Variants in HECA observed in about 807,000 individuals in gnomAD.
HECA encodes the protein HECA ribonucleoprotein granule regulator.
Under a neutral mutation model 37.6 loss-of-function variants are expected in HECA, and 13 were observed. The ratio of observed to expected loss-of-function variants is 0.35; its 90% CI spans 0.23 to 0.55. The LOEUF (loss-of-function observed/expected upper bound fraction) is 0.55. HECA is among the 20% of genes least tolerant of loss of function. The pLI is 0.90. For missense variants in HECA, 527 were observed against 701.9 expected, an observed-to-expected ratio of 0.75 and a Z score of 2.82; for synonymous variants, 307 against 291.5, an observed-to-expected ratio of 1.05 and a Z score of -0.54.
At chr6:139,136,755 C>T (rs537397632) in intron 1 of HECA, among the ~76,000 whole-genome samples, 2 of 152,204 alleles carry the variant, frequency 1.3e-5, no homozygotes, top group East Asian at 3.9e-4. Context: ...CTGCCTCAGC[C>T]TCCCGAGTAG....
chr6:139,143,213 T>A (rs1359852149), intron 1 of HECA, among the ~76,000 whole-genome samples: 1 of 152,168 alleles, frequency 6.6e-6, no homozygotes, highest in Non-Finnish European at 1.5e-5. Context: ...TGCAATCCTT[T>A]AGGGTGTTTT....
chr6:139,151,547 A>G (rs979216336), intron 1 of HECA, among the ~76,000 whole-genome samples: 3 of 152,180 alleles, frequency 2.0e-5, no homozygotes, highest in African/African-American at 7.2e-5. Context: ...ACATTCTTTC[A>G]AAGGAAAATC....
At chr6:139,150,275 G>C (rs1372313919) in intron 1 of HECA, among the ~76,000 whole-genome samples, 1 of 152,156 alleles carries the variant, frequency 6.6e-6, no homozygotes, top group African/African-American at 2.4e-5. Context: ...TACTGGTCAT[G>C]TGTATGTATC....
Position 139,177,863 on chromosome 6 carries a change from A to G in HECA, c.*758A>G, listed in dbSNP as rs1775074161. On this transcript the variant is annotated 3_prime_UTR_variant, in exon 4 of 4. Coordinates refer to ENST00000367658, the MANE Select transcript of HECA (RefSeq NM_016217.3). This position sits in a 1 kb window ranked among gnomAD's most constrained non-coding sequence, Gnocchi z 4.9. ...GTTGGTAATATAGCTTTTAAGGAGA[A>G]CCCATGAATAACCTGATTTGGGCAG... is the stretch of plus-strand genomic sequence containing the variant. 1 of 152,200 alleles carries G rather than the reference A, an allele frequency of 6.6e-6. No homozygotes were observed. The allele number at this position is 152,200 out of a possible 1,614,324, so 9.4% of individuals were successfully genotyped here.
chr6:139,171,983 C>A (rs1485518668), intron 2 of HECA, among the ~76,000 whole-genome samples: 3 of 152,030 alleles, frequency 2.0e-5, no homozygotes, highest in African/African-American at 7.2e-5. Flanking sequence ...GGCGCCGCCA[C>A]CACGCCTAGC....
chr6:139,145,202 C>G (rs142084474), intron 1 of HECA, among the ~76,000 whole-genome samples: 90 of 152,298 alleles, frequency 5.9e-4, no homozygotes, highest in African/African-American at 2.0e-3. Flanking sequence ...CAGAAAGCTT[C>G]CAGTTTTCAG....
rs148859982 is a variant in HECA at position 139,173,497 on chromosome 6, A to G, written c.1313-888A>G. 3.7e-3 allele frequency among the ~76,000 whole-genome samples: 571 copies of G among 152,324 alleles called. 5 individuals carry two copies. The highest frequency in any genetic ancestry group is 9.7e-3 in the Admixed American group (148 of 15,312). The stretch of plus-strand genomic sequence containing the variant: ...TTACTACTGAGTGCTGAAGACCCAT[A>G]GTCTGACTGATGGCAGTGAGCAGCA... On this transcript the variant is annotated intron_variant, in intron 2 of 3. Coordinates refer to ENST00000367658, the MANE Select transcript of HECA (RefSeq NM_016217.3).
intron 1 of HECA, among the ~76,000 whole-genome samples, chr6:139,140,539 A>C (rs1774500934): frequency 1.3e-5 from 2 of 152,202 alleles, no homozygotes; most frequent in Non-Finnish European, 2.9e-5. Context: ...TTTACTTGTT[A>C]GAGGATCTGT....
intron 1 of HECA, among the ~76,000 whole-genome samples, chr6:139,146,575 T>C (rs1230592518): frequency 6.6e-6 from 1 of 152,220 alleles, no homozygotes; most frequent in African/African-American, 2.4e-5. Flanking sequence ...TATTTTTGAT[T>C]GGCAGCGGGT....
chr6:139,178,237 A>T lies in HECA; in HGVS notation c.*1132A>T, dbSNP rs1775078888. 6.6e-6 allele frequency: 1 copy of T among 152,232 alleles called. No individual in the cohort carries two copies. The highest frequency in any genetic ancestry group is 2.4e-5 in the African/African-American group (1 of 41,468). 9.4% of individuals were successfully genotyped at this position (152,232 alleles called of 1,614,324 possible). A position where few individuals can be genotyped will look rare whatever the true frequency, so the allele number is the denominator to read the frequency against. The stretch of plus-strand genomic sequence containing the variant: ...AGCCCATGATACCTTACTGTTGATG[A>T]AAAAGGATGATCATATATATAGAAC... On this transcript the variant is annotated 3_prime_UTR_variant, in exon 4 of 4. Transcript: ENST00000367658.
intron 1 of HECA, among the ~76,000 whole-genome samples, chr6:139,159,581 G>T (rs1262605374): frequency 6.6e-6 from 1 of 152,184 alleles, no homozygotes; most frequent in Non-Finnish European, 1.5e-5. Context: ...GAATCTAGGA[G>T]ACCTGGCTGG....
intron 1 of HECA, among the ~76,000 whole-genome samples, chr6:139,165,584 C>CTT (rs796323871): frequency 2.3e-4 from 32 of 138,222 alleles, no homozygotes; most frequent in Middle Eastern, 3.8e-3. Flanking sequence ...GTGGCAACCA[C>CTT]TTTTTTTTTT....
chr6:139,148,844 A>C (rs1314735205), intron 1 of HECA, among the ~76,000 whole-genome samples: 1 of 151,950 alleles, frequency 6.6e-6, no homozygotes, highest in Non-Finnish European at 1.5e-5. Flanking sequence ...ACTGCTGTCG[A>C]GTCAATAGCT....
intron 1 of HECA, among the ~76,000 whole-genome samples, chr6:139,141,811 G>A (rs1222069127): frequency 1.4e-5 from 2 of 148,056 alleles, no homozygotes; most frequent in African/African-American, 5.0e-5. Context: ...AGAGTGTAGT[G>A]GCTTGATCTC....
intron 1 of HECA, among the ~76,000 whole-genome samples, chr6:139,154,941 A>G (rs1188170320): frequency 7.9e-6 from 1 of 125,942 alleles, no homozygotes; most frequent in Non-Finnish European, 1.6e-5. Flanking sequence ...AAAGACTGAC[A>G]TGAAGTCTTT....
At chr6:139,145,384 T>G (rs1025813248) in intron 1 of HECA, among the ~76,000 whole-genome samples, 5 of 152,202 alleles carry the variant, frequency 3.3e-5, no homozygotes, top group African/African-American at 1.2e-4. Context: ...AGGATAATAC[T>G]TGAAAAGTCT....
At chr6:139,168,083 C>G (rs1003661951) in intron 2 of HECA, among the ~76,000 whole-genome samples, 2 of 152,224 alleles carry the variant, frequency 1.3e-5, no homozygotes, top group African/African-American at 4.8e-5. Flanking sequence ...CTCCTTCCCA[C>G]CAACCCTGCT....
At chr6:139,161,635 CCTTT>C (rs1774803748) in intron 1 of HECA, among the ~76,000 whole-genome samples, 1 of 152,214 alleles carries the variant, frequency 6.6e-6, no homozygotes, top group East Asian at 1.9e-4. Flanking sequence ...TCTTAATCCA[CCTTT>C]CTTTAGTGTG....
Position 139,180,294 on chromosome 6 carries a change from T to C in HECA, c.*3189T>C, listed in dbSNP as rs1300997577. The C allele has an allele frequency of 6.6e-6, 1 of 152,578 alleles. No homozygotes were observed. The highest frequency in any genetic ancestry group is 1.9e-4 in the East Asian group (1 of 5,200). 9.5% of individuals were successfully genotyped at this position (152,578 alleles called of 1,614,324 possible). A position where few individuals can be genotyped will look rare whatever the true frequency, so the allele number is the denominator to read the frequency against. Reference sequence around the variant, plus strand: ...CTAAAACTAACAGATAAGACAGATATGTACCTTATTAGAGCACCAGAACTA... The same window carrying C: ...CTAAAACTAACAGATAAGACAGATACGTACCTTATTAGAGCACCAGAACTA... On this transcript the variant is annotated 3_prime_UTR_variant, in exon 4 of 4. Transcript: ENST00000367658.
Sources: allele counts gnomAD v4.1 joint callset (sites outside exome capture counted in the v4.1 genomes callset), GRCh38; gene constraint gnomAD v4.1.1; non-coding constraint Gnocchi (gnomAD v3.1); transcripts MANE v1.5; gene names NCBI Gene and HGNC (gene_info 2026-07-23, HGNC 2026-07-21).